Variants in CNGB1 observed in about 807,000 individuals in gnomAD.
The protein encoded by CNGB1 is cyclic nucleotide gated channel subunit beta 1, also known as cyclic nucleotide-gated channel beta-1.
Under a neutral mutation model 151.7 loss-of-function variants are expected in CNGB1, and 126 were observed. The ratio of observed to expected loss-of-function variants is 0.83; its 90% CI spans 0.72 to 0.96. CNGB1 has a LOEUF of 0.96. CNGB1 is among the 40% of genes least tolerant of loss of function. CNGB1 has a pLI of 0.00. For missense variants in CNGB1, 1,698 were observed against 1,627.0 expected (o/e 1.04, Z -0.75); for synonymous variants, 623 against 635.1 (o/e 0.98, Z 0.29).
intron 1 of CNGB1, among the ~76,000 whole-genome samples, chr16:57,970,644 C>T (rs548586196): frequency 4.6e-5 from 7 of 152,300 alleles, no homozygotes; most frequent in South Asian, 2.1e-4. Context: ...GAAGCCTCCC[C>T]GATCCCCCAT....
intron 14 of CNGB1, among the ~76,000 whole-genome samples, chr16:57,949,138 G>C (rs574658081): frequency 4.0e-4 from 61 of 152,100 alleles, no homozygotes; most frequent in Non-Finnish European, 5.1e-4. Context: ...GTGTGTGGGG[G>C]GGGATGTGGA....
At chr16:57,934,576 T>C (rs531700823) in intron 16 of CNGB1, among the ~76,000 whole-genome samples, 29 of 152,324 alleles carry the variant, frequency 1.9e-4, no homozygotes, top group Admixed American at 7.2e-4. Flanking sequence ...CGGGAACATT[T>C]TCCCAAGTGT....
chr16:57,921,817 A>C (rs1567378799), intron 18 of CNGB1, among the ~76,000 whole-genome samples: 1 of 152,204 alleles, frequency 6.6e-6, no homozygotes. Context: ...AAATGATTGC[A>C]TGGAGCAGAA....
At chr16:57,916,328 T>G in intron 21 of CNGB1, 149 bp from the exon 22 acceptor site, 1 of 804,570 alleles carries the variant, frequency 1.2e-6, no homozygotes, top group South Asian at 1.4e-5. Context: ...GCCTTGAGTT[T>G]TATGGGTGGA....
chr16:57,914,970 C>T (rs528687982), intron 23 of CNGB1, among the ~76,000 whole-genome samples: 50 of 152,320 alleles, frequency 3.3e-4, no homozygotes, highest in South Asian at 8.3e-4. Flanking sequence ...TCCCTCCTGG[C>T]TGTGTGACTT....
rs975836900 is a variant in CNGB1, at chr16:57,897,617, T to C, written c.3096-74A>G. 51 of 1,607,594 alleles carry C rather than the reference T, an allele frequency of 3.2e-5. No homozygotes were observed. In the East Asian group the frequency reaches 6.5e-4, roughly 20 times the overall value. On this transcript the variant is annotated intron_variant, in intron 30 of 32. Transcript: ENST00000251102. ...GTCACATTCAGATCTTCATTTCCCATGTGTGGAGGACAGTGGTGGCCCCAC... is the reference window on the plus strand; with the variant it reads ...GTCACATTCAGATCTTCATTTCCCACGTGTGGAGGACAGTGGTGGCCCCAC...
intron 20 of CNGB1, among the ~76,000 whole-genome samples, chr16:57,918,052 TG>T (rs1315769641): frequency 2.0e-5 from 3 of 151,650 alleles, no homozygotes; most frequent in Non-Finnish European, 2.9e-5. Context: ...GATGGATGGA[TG>T]GATGGATGGA....
At chr16:57,949,503 G>C (rs1479036152) in intron 13 of CNGB1, 64 bp from the exon 14 acceptor site, 1 of 1,608,040 alleles carries the variant, frequency 6.2e-7, no homozygotes, top group East Asian at 2.2e-5. Context: ...TCTACCTCCT[G>C]CCTCTATTTT....
chr16:57,949,335 G>A lies in CNGB1; in HGVS notation c.1121+18C>T, dbSNP rs2149381272. The A allele has an allele frequency of 1.2e-5, 19 of 1,607,186 alleles. No individual in the cohort carries two copies. Among genetic ancestry groups the A allele is most frequent in the Admixed American group, 1.7e-5 (1 of 60,016 alleles). ...CCAGCCCCAGGGCCGTTCCCAGACA[G>A]GTGAGCAAATGACTTACTCAGTCAC... On this transcript the variant is annotated intron_variant, in intron 14 of 32. Coordinates refer to ENST00000251102, the MANE Select transcript of CNGB1 (RefSeq NM_001297.5).
rs563963647 is a variant in CNGB1, at chr16:57,886,110, C to T, written c.3463-1653G>A. On this transcript the variant is annotated intron_variant, in intron 32 of 32. Transcript: ENST00000251102. ...AGGCAACCCTCAGTAATCCAAGTCT[C>T]GGAAAGCTTGAGGGGCTTCCTGGGT... Among the ~76,000 whole-genome samples the T allele has an allele frequency of 3.9e-5, 6 of 152,232 alleles. No individual in the cohort carries two copies. In the East Asian group the frequency reaches 5.8e-4, roughly 15 times the overall value.
rs755551308 is a variant in CNGB1 at position 57,960,075 on chromosome 16, G to T, written c.584-10C>A. 3.2e-6 allele frequency: 5 copies of T among 1,545,052 alleles called. 1 individual carries two copies. The South Asian group carries it at 3.5e-5, about 11-fold the overall frequency. On this transcript the variant is annotated splice_polypyrimidine_tract_variant and intron_variant, in intron 9 of 32. Coordinates refer to ENST00000251102, the MANE Select transcript of CNGB1 (RefSeq NM_001297.5). ...GGGCGTCCTGGAGGCGCTAAGCAGCGGGGAAAGCAGGAGCTAGAGACGCCA... is the reference window on the plus strand; with the variant it reads ...GGGCGTCCTGGAGGCGCTAAGCAGCTGGGAAAGCAGGAGCTAGAGACGCCA...
At chr16:57,903,222 G>A (rs1276925023) in intron 27 of CNGB1, among the ~76,000 whole-genome samples, 1 of 143,626 alleles carries the variant, frequency 7.0e-6, no homozygotes, top group African/African-American at 2.6e-5. Flanking sequence ...ACTGCACTTC[G>A]GCCTCACACC....
intron 12 of CNGB1, among the ~76,000 whole-genome samples, chr16:57,952,589 G>A (rs536561122): frequency 9.0e-5 from 11 of 122,402 alleles, no homozygotes; most frequent in South Asian, 5.8e-4. Flanking sequence ...TGCAACCTCC[G>A]CCTCCCATTC....
At chr16:57,923,405 G>A in intron 17 of CNGB1, 25 bp from the exon 18 acceptor site, 1 of 1,590,896 alleles carries the variant, frequency 6.3e-7, no homozygotes, top group Non-Finnish European at 8.6e-7. Context: ...ATGTGGAAGG[G>A]GCCTTCAGCA....
intron 32 of CNGB1, among the ~76,000 whole-genome samples, chr16:57,885,620 G>A (rs2149350933): frequency 7.9e-6 from 1 of 127,268 alleles, no homozygotes; most frequent in East Asian, 2.4e-4. Context: ...CTTAGACGGA[G>A]TCTTGCTCTG....
intron 12 of CNGB1, among the ~76,000 whole-genome samples, chr16:57,956,023 G>GCCACCCAGCGT (rs1413547979): frequency 6.6e-6 from 1 of 152,174 alleles, no homozygotes; most frequent in Admixed American, 6.5e-5. Flanking sequence ...TGCCCCCATG[G>GCCACCCAGCGT]CCACCCAGCG....
chr16:57,939,496 C>T lies in CNGB1; in HGVS notation c.1306G>A (p.Glu436Lys), dbSNP rs549685470. The T allele has an allele frequency of 4.3e-6, 7 of 1,614,110 alleles. No homozygotes were observed. In the African/African-American group the frequency reaches 8.0e-5, roughly 18 times the overall value. ...EEVAEEEAEK[E>K]PQDWAETKEE... Reference sequence around the variant, plus strand: ...TTGGTCTCCGCCCAGTCCTGGGGCTCCTTTTCAGCCTCCTCTTCAGCCACC... The same window carrying T: ...TTGGTCTCCGCCCAGTCCTGGGGCTTCTTTTCAGCCTCCTCTTCAGCCACC... The change falls in exon 16 of 33, where the codon GAG (glutamate) becomes AAG (lysine). Residue 436 changes from glutamate to lysine, a missense_variant. By Grantham distance (56) the Glu-to-Lys change is moderately conservative (BLOSUM62 1). Transcript: ENST00000251102.
At chr16:57,961,631 G>GGAATGAATGAAT (rs10533777) in intron 7 of CNGB1, among the ~76,000 whole-genome samples, 104 of 150,902 alleles carry the variant, frequency 6.9e-4, no homozygotes, top group Admixed American at 9.9e-4. Context: ...GCTGCAGCAA[G>GGAATGAATGAAT]GAATGAATGA....
intron 20 of CNGB1, among the ~76,000 whole-genome samples, chr16:57,917,801 T>TA (rs11284883): frequency 4.2e-3 from 621 of 146,326 alleles, no homozygotes; most frequent in African/African-American, 0.012. Flanking sequence ...CATCTCTACT[T>TA]AAAAAAAAAA....
Sources: allele counts gnomAD v4.1 joint callset (sites outside exome capture counted in the v4.1 genomes callset), GRCh38; gene constraint gnomAD v4.1.1; transcripts MANE v1.5; gene names NCBI Gene and HGNC (gene_info 2026-07-23, HGNC 2026-07-21).